BET1: variants seen among roughly 807,000 people sequenced by gnomAD.
BET1 encodes BET1 homolog.
A neutral mutation model predicts 13.9 loss-of-function variants in BET1; 9 were observed. The ratio of observed to expected loss-of-function variants is 0.65; its 90% CI spans 0.39 to 1.13. The LOEUF (loss-of-function observed/expected upper bound fraction) is 1.13, where lower values mean the gene tolerates loss of function less well. Among genes scored for constraint, BET1 ranks in the 50% most tolerant of loss-of-function variants. The probability of loss-of-function intolerance (pLI) is 0.01; values close to 1 mark genes in which losing one functional copy is unlikely to be tolerated. For synonymous variants in BET1, 39 were observed against 47.3 expected (o/e 0.82, Z 0.72); for missense variants, 127 against 133.6 (o/e 0.95, Z 0.24).
At chr7:93,963,684 A>G (rs1221841844) in exon 7 of BET1, 1 of 152,106 alleles carries the variant, frequency 6.6e-6, no homozygotes, top group Non-Finnish European at 1.5e-5. Flanking sequence ...TGAATGGAGA[A>G]GAAAAGTCAC....
intron 4 of BET1, among the ~76,000 whole-genome samples, chr7:93,985,806 A>G (rs1795518482): frequency 2.0e-5 from 3 of 152,162 alleles, no homozygotes; most frequent in Non-Finnish European, 4.4e-5. Flanking sequence ...ACTAAATTTC[A>G]GGTTCAGATT....
downstream of BET1, among the ~76,000 whole-genome samples, chr7:93,989,334 A>G: frequency 6.6e-6 from 1 of 152,000 alleles, no homozygotes; most frequent in Non-Finnish European, 1.5e-5. Context: ...TATTAAAATC[A>G]CTCTTAAATT....
At chr7:93,988,458 C>A (rs996173568), downstream of BET1, among the ~76,000 whole-genome samples, 1 of 152,086 alleles carries the variant, frequency 6.6e-6, no homozygotes, top group African/African-American at 2.4e-5. Flanking sequence ...TATAACCTCT[C>A]TAGGGAAGTA....
rs1795532938 is a variant in BET1 at position 93,986,649 on chromosome 7, T to A, written c.235+7703A>T. Among the ~76,000 whole-genome samples, 4 of 152,212 alleles carry A rather than the reference T, an allele frequency of 2.6e-5. No homozygotes were observed. In the South Asian group the frequency reaches 8.3e-4, roughly 32 times the overall value. ...GGGCTAAGTGGATTACACATCTTGCTGTAGGGCTTTGAGTGAAATGCAGAC... is the reference window on the plus strand; with the variant it reads ...GGGCTAAGTGGATTACACATCTTGCAGTAGGGCTTTGAGTGAAATGCAGAC... On this transcript the variant is annotated intron_variant and NMD_transcript_variant, in intron 4 of 6. Coordinates refer to the BET1 transcript ENST00000357520.
intron 1 of BET1, among the ~76,000 whole-genome samples, chr7:94,002,540 T>C (rs1214070262): frequency 6.6e-6 from 1 of 152,028 alleles, no homozygotes; most frequent in East Asian, 1.9e-4. Context: ...CTAATTTTAC[T>C]GGCTGAGCTG....
chr7:94,002,798 T>C (rs1795939267), intron 1 of BET1, among the ~76,000 whole-genome samples: 1 of 152,190 alleles, frequency 6.6e-6, no homozygotes, highest in Non-Finnish European at 1.5e-5. Flanking sequence ...CTTACTTCTT[T>C]TGAGTTCCTC....
At chr7:93,963,438 A>AT (rs1795129443) in exon 7 of BET1, 1 of 152,134 alleles carries the variant, frequency 6.6e-6, no homozygotes, top group African/African-American at 2.4e-5. Flanking sequence ...ATTTTTTTTC[A>AT]TAGCACTTAT....
exon 7 of BET1, chr7:93,964,910 C>T (rs1795149817): frequency 6.6e-6 from 1 of 152,038 alleles, no homozygotes; most frequent in Non-Finnish European, 1.5e-5. Context: ...TGGAAATCAG[C>T]TTGGAGATTT....
chr7:93,994,416 C>T (rs1464876950), intron 3 of BET1, 31 bp from the exon 4 acceptor site: 4 of 1,594,886 alleles, frequency 2.5e-6, no homozygotes, highest in Non-Finnish European at 3.4e-6. Flanking sequence ...TAAAATATCA[C>T]AGTTAGATTC....
At chr7:93,972,746 C>T (rs918240212) in intron 5 of BET1, 12 of 151,724 alleles carry the variant, frequency 7.9e-5, no homozygotes, top group Non-Finnish European at 1.5e-4. Flanking sequence ...AGAATCCCTG[C>T]ATGGAGATAA....
chr7:94,000,311 C>T (rs1264892361), intron 1 of BET1: 2 of 150,912 alleles, frequency 1.3e-5, no homozygotes, highest in Non-Finnish European at 2.9e-5. Context: ...GACAGGGTTT[C>T]ACCCTGTTAG....
intron 3 of BET1, 44 bp from the exon 4 acceptor site, chr7:93,994,429 A>G: frequency 1.3e-6 from 2 of 1,570,952 alleles, no homozygotes; most frequent in South Asian, 2.3e-5. Flanking sequence ...TTAGATTCTA[A>G]GAGTCTACAT....
chr7:93,986,707 A>G (rs1216187732), intron 4 of BET1, among the ~76,000 whole-genome samples: 1 of 152,212 alleles, frequency 6.6e-6, no homozygotes, highest in Non-Finnish European at 1.5e-5. Context: ...GAAAACATAT[A>G]TAATGGTGGT....
chr7:93,987,944 T>C (rs1465965439), intron 4 of BET1, among the ~76,000 whole-genome samples: 1 of 152,174 alleles, frequency 6.6e-6, no homozygotes, highest in Non-Finnish European at 1.5e-5. Context: ...AGCAATAATT[T>C]TTGGTCCCCA....
chr7:93,990,746 T>C (rs1795617336), downstream of BET1, among the ~76,000 whole-genome samples: 3 of 152,166 alleles, frequency 2.0e-5, no homozygotes, highest in Non-Finnish European at 4.4e-5. Flanking sequence ...ATGGGTAATG[T>C]GGTTACATTT....
At chr7:93,962,861 A>G (rs1795115154) in exon 7 of BET1, 2 of 152,026 alleles carry the variant, frequency 1.3e-5, no homozygotes, top group African/African-American at 4.8e-5. Flanking sequence ...CCAACAGTTC[A>G]CAGCACAGAA....
chr7:93,977,339 T>C (rs886093889), intron 4 of BET1, among the ~76,000 whole-genome samples: 3 of 152,126 alleles, frequency 2.0e-5, no homozygotes, highest in African/African-American at 7.2e-5. Context: ...CAGGCACCTC[T>C]AGTTTTTTGC....
intron 3 of BET1, 53 bp downstream of exon 3, chr7:93,996,212 T>C: frequency 1.6e-6 from 2 of 1,290,162 alleles, no homozygotes; most frequent in Non-Finnish European, 2.2e-6. Context: ...TGAAATTCTA[T>C]TATTTGCGAA....
intron 4 of BET1, among the ~76,000 whole-genome samples, chr7:93,976,770 C>A (rs530981378): frequency 2.0e-5 from 3 of 152,052 alleles, no homozygotes; most frequent in Non-Finnish European, 4.4e-5. Flanking sequence ...TTTTGGTGCA[C>A]CCATTACCTG....
Sources: allele counts gnomAD v4.1 joint callset (sites outside exome capture counted in the v4.1 genomes callset), GRCh38; gene constraint gnomAD v4.1.1; transcripts MANE v1.5; gene names NCBI Gene and HGNC (gene_info 2026-07-23, HGNC 2026-07-21).